ANK2: variants seen among roughly 807,000 people sequenced by gnomAD.
ANK2 encodes ankyrin 2, also known as ankyrin-2.
ANK2 carries 83 observed loss-of-function variants against 360.5 expected under a neutral mutation model. That is an observed-to-expected ratio of 0.23 (90% CI 0.19 to 0.28). The LOEUF is 0.28. Among genes scored for constraint, ANK2 ranks in the 10% least tolerant of loss-of-function variants. The pLI is 1.00. For synonymous variants in ANK2, 1,740 were observed against 1,759.5 expected (o/e 0.99, Z 0.28); for missense variants, 4,201 against 4,795.7 (o/e 0.88, Z 3.66).
At chr4:112,788,054 T>G in the ANK2 span, 2 of 1,133,358 alleles carry the variant, frequency 1.8e-6, no homozygotes, top group Non-Finnish European at 2.6e-6. Context: ...TTAATTATTT[T>G]TATGTACAGA....
chr4:113,151,209 G>C, intron 1 of ANK2: 1 of 1,131,500 alleles, frequency 8.8e-7, no homozygotes, highest in Non-Finnish European at 1.2e-6. Context: ...GCTCAAAAAA[G>C]GAATGTACCC....
chr4:113,347,113 T>A (rs1279749576), intron 35 of ANK2, among the ~76,000 whole-genome samples: 2 of 152,180 alleles, frequency 1.3e-5, no homozygotes, highest in South Asian at 4.1e-4. Flanking sequence ...AAAAGTCCTA[T>A]ACTTCTTTTT....
intron 1 of ANK2, among the ~76,000 whole-genome samples, chr4:112,870,873 T>G (rs928096507): frequency 6.6e-6 from 1 of 152,218 alleles, no homozygotes; most frequent in Non-Finnish European, 1.5e-5. Flanking sequence ...TAGATCACTT[T>G]GGGTAGTATT....
intron 29 of ANK2, among the ~76,000 whole-genome samples, chr4:113,334,551 A>G (rs986983633): frequency 6.6e-6 from 1 of 150,464 alleles, no homozygotes; most frequent in Non-Finnish European, 1.5e-5. Flanking sequence ...CTATTACTAG[A>G]AAGTTAATAG....
intron 26 of ANK2, among the ~76,000 whole-genome samples, chr4:113,326,647 TTTTGG>T (rs1325923089): frequency 6.6e-6 from 1 of 152,236 alleles, no homozygotes; most frequent in East Asian, 1.9e-4. Flanking sequence ...TGGTGGGTTT[TTTTGG>T]TTTGTGTTTC....
intron 2 of ANK2, among the ~76,000 whole-genome samples, chr4:113,186,512 C>T (rs1305192655): frequency 6.6e-6 from 1 of 151,584 alleles, no homozygotes; most frequent in African/African-American, 2.4e-5. Flanking sequence ...AGAAGTTTCC[C>T]AGTACTTTCC....
chr4:113,006,490 A>G (rs188215027), intron 2 of ANK2, among the ~76,000 whole-genome samples: 1 of 152,318 alleles, frequency 6.6e-6, no homozygotes, highest in East Asian at 1.9e-4. Context: ...TTTATCCTTC[A>G]GATTAGCAAA....
At chr4:112,727,019 A>G in the ANK2 span, among the ~76,000 whole-genome samples, 1 of 151,898 alleles carries the variant, frequency 6.6e-6, no homozygotes, top group African/African-American at 2.4e-5. Flanking sequence ...TGAACTTTAT[A>G]TATAAAATTA....
chr4:113,182,106 C>T (rs28552803), intron 2 of ANK2, among the ~76,000 whole-genome samples: 73,790 of 151,836 alleles, frequency 0.49, 18,510 homozygotes, highest in African/African-American at 0.62. Flanking sequence ...GGATTCTAGA[C>T]ACATTTCAAA....
intron 1 of ANK2, among the ~76,000 whole-genome samples, chr4:113,085,191 G>A (rs970558182): frequency 2.0e-5 from 3 of 152,148 alleles, no homozygotes; most frequent in Admixed American, 1.3e-4. Flanking sequence ...CTGAAGTAAC[G>A]GATCAGCATT....
chr4:112,771,764 T>A, the ANK2 span, among the ~76,000 whole-genome samples: 1 of 152,122 alleles, frequency 6.6e-6, no homozygotes, highest in Non-Finnish European at 1.5e-5. Flanking sequence ...TTTTTGTATT[T>A]TTAGTAGAGA....
chr4:113,318,552 T>C lies in ANK2; in HGVS notation c.2832T>C (p.Ser944=), dbSNP rs527265020. 3 of 1,613,900 alleles carry C rather than the reference T, an allele frequency of 1.9e-6. No homozygotes were observed. The highest frequency in any genetic ancestry group is 1.3e-5 in the African/African-American group (1 of 75,074). Residue 944 remains serine (S), a synonymous_variant, in exon 26 of 46, where the codon TCT becomes TCC. Coordinates refer to ENST00000357077, the MANE Select transcript of ANK2 (RefSeq NM_001148.6). ...STLAKEAERN[S]YRLSWGTENL... is the part of the protein sequence containing the mutation. ...TAGCCAAGGAGGCAGAAAGGAATTC[T>C]TATCGCCTAAGCTGGGGCACTGAGA...
chr4:112,764,917 G>T, the ANK2 span, among the ~76,000 whole-genome samples: 1 of 151,772 alleles, frequency 6.6e-6, no homozygotes, highest in Non-Finnish European at 1.5e-5. Context: ...TGTTGGTCAG[G>T]CTGGTCTTGA....
chr4:112,827,000 A>G lies in ANK2; in HGVS notation c.-40+8736A>G, dbSNP rs554701187. On this transcript the variant is annotated intron_variant, in intron 1 of 30. Transcript: ENST00000503271. The stretch of plus-strand genomic sequence containing the variant: ...AACCATTTCTTTTTATTGGAGTTCT[A>G]CAAAAGAGAATTTTAGACATTGGTA... The G allele has an allele frequency of 3.0e-5, 45 of 1,510,770 alleles. No individual in the cohort carries two copies. The East Asian group carries it at 9.9e-4, about 33-fold the overall frequency. 93.6% of individuals were successfully genotyped at this position (1,510,770 alleles called of 1,614,324 possible). A position where few individuals can be genotyped will look rare whatever the true frequency, so the allele number is the denominator to read the frequency against.
At chr4:113,243,252 A>C (rs1243527873) in intron 9 of ANK2, among the ~76,000 whole-genome samples, 1 of 152,232 alleles carries the variant, frequency 6.6e-6, no homozygotes, top group Admixed American at 6.5e-5. Flanking sequence ...GATGATAAAT[A>C]GAATATGTCT....
chr4:113,172,831 T>C (rs1292286049), intron 1 of ANK2, among the ~76,000 whole-genome samples: 1 of 152,222 alleles, frequency 6.6e-6, no homozygotes, highest in Non-Finnish European at 1.5e-5. Flanking sequence ...TATAACTCAC[T>C]TTTAAGTGCT....
Position 113,288,430 on chromosome 4 carries a change from G to T in ANK2, c.2221G>T (p.Val741Leu). The change falls in exon 20 of 46, where the codon GTG becomes TTG. Residue 741 changes from valine to leucine, a missense_variant. Physicochemically the swap from Val to Leu is conservative, Grantham distance 32. Around this residue, in one of 4 missense-constraint regions of ANK2, gnomAD observed 1,268 missense variants for 1,650.8 expected, o/e 0.77. Coordinates refer to ENST00000357077, the MANE Select transcript of ANK2 (RefSeq NM_001148.6). ...AATTGTGGCCTGTCACTATGGAAAT[G>T]TGAAAATGGTCAACTTTCTTCTGAA... ...PLIVACHYGN[V>L]KMVNFLLKQG... is the part of the protein sequence containing the mutation. The T allele has an allele frequency of 6.2e-7, 1 of 1,613,986 alleles. No homozygotes were observed. The highest frequency in any genetic ancestry group is 8.5e-7 in the Non-Finnish European group (1 of 1,179,932).
intron 9 of ANK2, among the ~76,000 whole-genome samples, chr4:113,243,638 A>G (rs1263705010): frequency 6.6e-6 from 1 of 152,110 alleles, no homozygotes; most frequent in East Asian, 1.9e-4. Context: ...CTTTTTCCTT[A>G]CCATACTGTG....
chr4:112,785,487 C>A, the ANK2 span, among the ~76,000 whole-genome samples: 1 of 151,184 alleles, frequency 6.6e-6, no homozygotes, highest in Admixed American at 6.6e-5. Flanking sequence ...GATTCTCCTG[C>A]CTCAGCCTCT....
Sources: allele counts gnomAD v4.1 joint callset (sites outside exome capture counted in the v4.1 genomes callset), GRCh38; gene constraint gnomAD v4.1.1; regional missense constraint gnomAD v4.1.1; transcripts MANE v1.5; gene names NCBI Gene and HGNC (gene_info 2026-07-23, HGNC 2026-07-21).